Variants in DIP2B observed in about 807,000 individuals in gnomAD.
The protein encoded by DIP2B is DIP2 acetate--CoA ligase B (putative).
Under a neutral mutation model 198.0 loss-of-function variants are expected in DIP2B, and 76 were observed. The observed-to-expected ratio is 0.38, with a 90% CI of 0.32 to 0.46. DIP2B has a LOEUF of 0.46. Ranked by LOEUF, DIP2B falls within the 20% of genes least tolerant of loss-of-function variation. DIP2B has a pLI of 0.99. For synonymous variants in DIP2B, 701 were observed against 739.1 expected, an observed-to-expected ratio of 0.95 and a Z score of 0.84; for missense variants, 1,559 against 1,978.4, an observed-to-expected ratio of 0.79 and a Z score of 4.02.
chr12:50,537,114 ATTTTTTT>A lies in DIP2B; in HGVS notation c.100+31895_100+31901del, dbSNP rs34202995. Among the ~76,000 whole-genome samples the A allele has an allele frequency of 3.4e-3, 111 of 32,222 alleles. 1 individual carries two copies. The highest frequency in any genetic ancestry group is 4.6e-3 in the Non-Finnish European group (97 of 21,006). The allele number at this position is 32,222 out of a possible 152,430, so 21.1% of individuals were successfully genotyped here. A position where few individuals can be genotyped will look rare whatever the true frequency, so the allele number is the denominator to read the frequency against. On this transcript the variant is annotated intron_variant, in intron 1 of 37. Coordinates refer to ENST00000301180, the MANE Select transcript of DIP2B (RefSeq NM_173602.3). ...CAGATTGCTTGTTTATTATTCTCTA[ATTTTTTT>A]TTTTTTTTTTTTTTTTTTTTGTAGA... is the stretch of plus-strand genomic sequence containing the variant.
chr12:50,542,243 C>T (rs1443415973), intron 1 of DIP2B, among the ~76,000 whole-genome samples: 3 of 130,106 alleles, frequency 2.3e-5, no homozygotes, highest in East Asian at 4.3e-4. Flanking sequence ...AGTGAGACTC[C>T]GTCTCAAAAA....
chr12:50,671,079 C>T (rs981149446), intron 4 of DIP2B, 107 bp from the exon 5 acceptor site: 24 of 1,043,558 alleles, frequency 2.3e-5, no homozygotes, highest in Non-Finnish European at 2.8e-5. Flanking sequence ...CTTAAGAATG[C>T]GAATGTTTTG....
At chr12:50,656,630 G>A (rs1187571054) in intron 3 of DIP2B, among the ~76,000 whole-genome samples, 1 of 152,126 alleles carries the variant, frequency 6.6e-6, no homozygotes, top group Non-Finnish European at 1.5e-5. Context: ...GGAGTGCAGT[G>A]GCACAATCTT....
At chr12:50,643,327 A>C (rs1233930090) in intron 3 of DIP2B, among the ~76,000 whole-genome samples, 1 of 149,598 alleles carries the variant, frequency 6.7e-6, no homozygotes, top group Middle Eastern at 3.2e-3. Flanking sequence ...TAGTCAGCTG[A>C]CTGTGGAGAT....
intron 1 of DIP2B, among the ~76,000 whole-genome samples, chr12:50,536,699 C>T (rs1189088172): frequency 6.6e-6 from 1 of 151,704 alleles, no homozygotes; most frequent in African/African-American, 2.4e-5. Flanking sequence ...TCTCGAGTAG[C>T]TGGGACTACA....
At chr12:50,684,472 T>G (rs1348470056) in intron 10 of DIP2B, among the ~76,000 whole-genome samples, 1 of 152,184 alleles carries the variant, frequency 6.6e-6, no homozygotes, top group Non-Finnish European at 1.5e-5. Flanking sequence ...ATGTCAAAGA[T>G]GAATATGTTG....
chr12:50,602,857 C>CAAA (rs71086464), intron 1 of DIP2B, among the ~76,000 whole-genome samples: 5 of 91,504 alleles, frequency 5.5e-5, no homozygotes, highest in Admixed American at 1.3e-4. Flanking sequence ...GACTCTGTCT[C>CAAA]AAAAAAAAAA....
chr12:50,587,627 C>T (rs1958782275), intron 1 of DIP2B, among the ~76,000 whole-genome samples: 1 of 152,196 alleles, frequency 6.6e-6, no homozygotes, highest in Non-Finnish European at 1.5e-5. Flanking sequence ...CTACTTTCTC[C>T]ATTTTCAATT....
intron 37 of DIP2B, among the ~76,000 whole-genome samples, chr12:50,742,157 G>A (rs4768912): frequency 0.27 from 41,307 of 151,442 alleles, 5,928 homozygotes; most frequent in East Asian, 0.4. Flanking sequence ...CAGAACTTTG[G>A]GAGGCCAAGG....
intron 32 of DIP2B, among the ~76,000 whole-genome samples, chr12:50,732,853 C>T (rs1053530328): frequency 6.6e-6 from 1 of 152,096 alleles, no homozygotes; most frequent in Non-Finnish European, 1.5e-5. Flanking sequence ...TGACGAGTCA[C>T]AAAGATTTGA....
At chr12:50,698,944 G>T (rs1387207403) in intron 18 of DIP2B, 122 bp from the exon 19 acceptor site, 2 of 1,078,136 alleles carry the variant, frequency 1.9e-6, no homozygotes, top group Non-Finnish European at 1.3e-6. Flanking sequence ...ATTCCTGTCT[G>T]GTATTTTTAC....
In DIP2B at chr12:50,727,715, G is replaced by C; in HGVS notation, c.3413G>C (p.Arg1138Thr). 6.2e-7 allele frequency: 1 copy of C among 1,614,040 alleles called. No homozygotes were observed. Among genetic ancestry groups the C allele is most frequent in the Non-Finnish European group, 8.5e-7 (1 of 1,179,934 alleles). Residue 1138 changes from arginine (R) to threonine (T), a missense_variant, in exon 29 of 38, where the codon AGG becomes ACG. Arg to Thr is a moderately conservative substitution (Grantham distance 71, BLOSUM62 -1). Transcript: ENST00000301180. ...CTTTTCATGGCAGATGATTTACCCA[G>C]GAAAAGGTTACCTCAGCTGTATAAA... ...PTIIDTDDLP[R>T]KRLPQLYKPP...
At chr12:50,687,030 AG>A (rs1195836343) in intron 12 of DIP2B, 3 of 188,832 alleles carry the variant, frequency 1.6e-5, no homozygotes, top group Non-Finnish European at 3.2e-5. Context: ...CGGAGAAATG[AG>A]GAGGGAAAAT....
intron 1 of DIP2B, among the ~76,000 whole-genome samples, chr12:50,566,700 T>G (rs1281722148): frequency 6.6e-6 from 1 of 152,172 alleles, no homozygotes; most frequent in East Asian, 1.9e-4. Flanking sequence ...CTGGGCGCAG[T>G]GGCTCACACC....
chr12:50,704,089 T>C (rs1939470819), intron 19 of DIP2B, 51 bp from the exon 20 acceptor site: 1 of 1,537,732 alleles, frequency 6.5e-7, no homozygotes, highest in Non-Finnish European at 8.9e-7. Context: ...AAATCACATA[T>C]ACTTTCTAAG....
At chr12:50,597,715 G>A (rs922449036) in intron 1 of DIP2B, among the ~76,000 whole-genome samples, 1 of 152,220 alleles carries the variant, frequency 6.6e-6, no homozygotes, top group Non-Finnish European at 1.5e-5. Context: ...ACTGGCAAGT[G>A]TGTGATGACT....
intron 10 of DIP2B, among the ~76,000 whole-genome samples, chr12:50,684,100 A>G (rs1161999343): frequency 1.3e-5 from 2 of 152,118 alleles, no homozygotes; most frequent in Non-Finnish European, 2.9e-5. Flanking sequence ...GCAATAGGGC[A>G]AGCAAGACTC....
intron 1 of DIP2B, among the ~76,000 whole-genome samples, chr12:50,524,068 A>G (rs2139355586): frequency 6.6e-6 from 1 of 152,342 alleles, no homozygotes; most frequent in South Asian, 2.1e-4. Context: ...TTTGGAGCTG[A>G]AAGGCCATAA....
At chr12:50,713,800 A>G (rs1939661632) in intron 22 of DIP2B, among the ~76,000 whole-genome samples, 2 of 28,236 alleles carry the variant, frequency 7.1e-5, no homozygotes, top group Non-Finnish European at 6.3e-4. Flanking sequence ...TTGGCTGGGC[A>G]TGGTATGACA....
Sources: gnomAD v4.1 joint callset for allele counts (sites outside exome capture counted in the v4.1 genomes callset) on GRCh38, gnomAD v4.1.1 for gene constraint, MANE v1.5 for transcripts, NCBI Gene and HGNC (gene_info 2026-07-23, HGNC 2026-07-21) for gene names.